Variants in POFUT1 observed in about 807,000 individuals in gnomAD.
The protein encoded by POFUT1 is GDP-fucose protein O-fucosyltransferase 1.
In POFUT1, 16 loss-of-function variants were observed where a neutral mutation model predicts 42.4. That is an observed-to-expected ratio of 0.38 (90% confidence interval 0.26 to 0.57). The LOEUF (loss-of-function observed/expected upper bound fraction) is 0.57, where lower values mean the gene tolerates loss of function less well. POFUT1 is among the 20% of genes least tolerant of loss of function. The probability of loss-of-function intolerance (pLI) is 0.71; values close to 1 mark genes in which losing one functional copy is unlikely to be tolerated. For synonymous variants in POFUT1, 206 were observed against 205.4 expected, an observed-to-expected ratio of 1.00 and a Z score of -0.03; for missense variants, 470 against 504.6, an observed-to-expected ratio of 0.93 and a Z score of 0.66.
intron 5 of POFUT1, among the ~76,000 whole-genome samples, chr20:32,230,173 G>A (rs2047435020): frequency 1.3e-5 from 2 of 151,680 alleles, no homozygotes; most frequent in Admixed American, 6.6e-5. Flanking sequence ...GGATCACGAG[G>A]TCAGGAGATC....
rs372377845 is a variant in POFUT1, at chr20:32,224,673, G to A, written c.543-3590G>A. 6.6e-4 allele frequency among the ~76,000 whole-genome samples: 101 copies of A among 152,332 alleles called. 1 individual carries two copies. Among genetic ancestry groups the A allele is most frequent in the African/African-American group, 2.3e-3 (94 of 41,566 alleles). On this transcript the variant is annotated intron_variant, in intron 4 of 6. Coordinates refer to ENST00000375749, the MANE Select transcript of POFUT1 (RefSeq NM_015352.2). ...TAAGGAGGTGAGGCTTGGGAATTGC[G>A]ACTGACCTTGGAGGTGTGGAAGGTG...
At chr20:32,232,552 C>A (rs2047448603) in intron 6 of POFUT1, among the ~76,000 whole-genome samples, 2 of 152,236 alleles carry the variant, frequency 1.3e-5, no homozygotes, top group South Asian at 4.1e-4. Flanking sequence ...CATGATTAAA[C>A]TGGTATTATT....
intron 4 of POFUT1, among the ~76,000 whole-genome samples, chr20:32,219,682 A>G (rs928679347): frequency 1.3e-5 from 2 of 151,652 alleles, no homozygotes; most frequent in Non-Finnish European, 2.9e-5. Flanking sequence ...TATTTTTAGT[A>G]GAGACGGGGT....
In POFUT1 at chr20:32,230,983, G is replaced by A. The variant is rs78861748; in HGVS notation, c.900G>A (p.Ser300=). ...GGGCTGTGAAGCTCTGGGTGAGGTC[G>A]CTGGATGCCCAGTCGGTCTACGTTG... The part of the protein sequence containing the change: ...IQRAVKLWVR[S]LDAQSVYVAT... Residue 300 remains serine (S), a synonymous_variant, in exon 6 of 7, where the codon TCG becomes TCA. Coordinates refer to ENST00000375749, the MANE Select transcript of POFUT1 (RefSeq NM_015352.2). 816 of 1,614,174 alleles carry A rather than the reference G, an allele frequency of 5.1e-4. 9 individuals carry two copies. In the African/African-American group the frequency reaches 9.9e-3, roughly 20 times the overall value.
chr20:32,227,247 G>T (rs968646246), intron 4 of POFUT1, among the ~76,000 whole-genome samples: 3 of 152,116 alleles, frequency 2.0e-5, no homozygotes, highest in African/African-American at 7.2e-5. Flanking sequence ...GACCGGGCGC[G>T]GTGGCCCACA....
At chr20:32,222,509 G>C in intron 4 of POFUT1, 1 of 688,534 alleles carries the variant, frequency 1.5e-6, no homozygotes, top group South Asian at 6.5e-5. Context: ...CATCTCATTG[G>C]CTAGTACGAG....
intron 5 of POFUT1, among the ~76,000 whole-genome samples, chr20:32,229,231 CA>C (rs1299848942): frequency 1.3e-5 from 2 of 152,170 alleles, no homozygotes; most frequent in Admixed American, 6.5e-5. Flanking sequence ...GCTAGCATAA[CA>C]CTAATACCAA....
chr20:32,215,433 G>A lies in POFUT1; in HGVS notation c.411G>A (p.Lys137=), dbSNP rs1270609467. ...TGGCAGCCCAGCGAAGCCCAGATAA[G>A]AAGACGTGCCCCATGAAGGTGGGTC... The part of the protein sequence containing the change: ...FEVAAQRSPD[K]KTCPMKEGNP... The change falls in exon 3 of 7, where the codon AAG becomes AAA. Residue 137 remains lysine (K), a synonymous_variant. Transcript: ENST00000375749. 6.2e-7 allele frequency: 1 copy of A among 1,611,866 alleles called. No homozygotes were observed. The highest frequency in any genetic ancestry group is 1.7e-5 in the Admixed American group (1 of 59,996).
In POFUT1 at chr20:32,230,995, G is replaced by A. The variant is rs1173168839; in HGVS notation, c.912G>A (p.Gln304=). 1.9e-6 allele frequency: 3 copies of A among 1,614,216 alleles called. No homozygotes were observed. The highest frequency in any genetic ancestry group is 2.2e-5 in the South Asian group (2 of 91,088). Residue 304 remains glutamine, a synonymous_variant, in exon 6 of 7, where the codon CAG becomes CAA. Transcript: ENST00000375749. ...VKLWVRSLDA[Q]SVYVATDSES... is the part of the protein sequence containing the mutation. ...TCTGGGTGAGGTCGCTGGATGCCCA[G>A]TCGGTCTACGTTGCTACTGATTCCG... is the stretch of plus-strand genomic sequence containing the variant.
chr20:32,228,575 G>A (rs773706451), intron 5 of POFUT1, 120 bp downstream of exon 5: 14 of 823,912 alleles, frequency 1.7e-5, no homozygotes, highest in East Asian at 2.7e-5. Flanking sequence ...GTTCTGGTTC[G>A]TGGGATTGTG....
chr20:32,210,157 A>T lies in POFUT1; in HGVS notation c.211A>T (p.Ile71Phe), dbSNP rs538485488. Residue 71 changes from isoleucine (I) to phenylalanine (F), a missense_variant, in exon 2 of 7, where the codon ATT (isoleucine) becomes TTT (phenylalanine). Physicochemically the swap from Ile to Phe is conservative, Grantham distance 21. Transcript: ENST00000375749. ...LNRTLAVPPWIEYQHHKPPFT... is the reference protein window; with the variant it reads ...LNRTLAVPPWFEYQHHKPPFT... Reference sequence around the variant, plus strand: ...CCGTACCTTGGCTGTCCCTCCTTGGATTGAGTACCAGCATCACAAGCCTCC... The same window carrying T: ...CCGTACCTTGGCTGTCCCTCCTTGGTTTGAGTACCAGCATCACAAGCCTCC... The T allele has an allele frequency of 1.9e-6, 3 of 1,614,030 alleles. No individual in the cohort carries two copies. The highest frequency in any genetic ancestry group is 2.7e-5 in the African/African-American group (2 of 75,008).
At chr20:32,214,434 A>T (rs1052604454) in intron 2 of POFUT1, among the ~76,000 whole-genome samples, 6 of 152,108 alleles carry the variant, frequency 3.9e-5, no homozygotes, top group African/African-American at 1.4e-4. Flanking sequence ...CAGAAGGAGC[A>T]TTTTAAATTC....
intron 4 of POFUT1, chr20:32,223,034 G>A (rs923078705): frequency 4.1e-6 from 4 of 985,392 alleles, no homozygotes; most frequent in Non-Finnish European, 4.8e-6. Flanking sequence ...CACTCAATAT[G>A]GGTTTCATCC....
intron 2 of POFUT1, among the ~76,000 whole-genome samples, chr20:32,213,388 G>A (rs1473757837): frequency 2.7e-5 from 4 of 150,546 alleles, no homozygotes; most frequent in Non-Finnish European, 5.9e-5. Context: ...CCCGGGAGGC[G>A]AAGTTTGCAG....
In POFUT1 at chr20:32,234,470, C is replaced by T. The variant is rs753730977; in HGVS notation, c.979-3C>T. ...CTTATATGCTCTGTGCTTCTTCCTG[C>T]AGGTGAAGGTGGTGAGCCTGAAGCC... is the stretch of plus-strand genomic sequence containing the variant. On this transcript the variant is annotated splice_polypyrimidine_tract_variant and splice_region_variant and intron_variant, in intron 6 of 6. Coordinates refer to ENST00000375749, the MANE Select transcript of POFUT1 (RefSeq NM_015352.2). The T allele has an allele frequency of 9.4e-6, 15 of 1,598,054 alleles. No homozygotes were observed. In the South Asian group the frequency reaches 1.6e-4, roughly 17 times the overall value.
intron 4 of POFUT1, among the ~76,000 whole-genome samples, chr20:32,221,743 T>C (rs1022712740): frequency 6.6e-6 from 1 of 151,470 alleles, no homozygotes; most frequent in Non-Finnish European, 1.5e-5. Flanking sequence ...AGGGCCTTTA[T>C]GGGGGGTAGC....
chr20:32,210,165 C>T lies in POFUT1; in HGVS notation c.219C>T (p.Tyr73=), dbSNP rs1243745045. The change falls in exon 2 of 7, where the codon TAC becomes TAT. Residue 73 remains tyrosine, a synonymous_variant. Transcript: ENST00000375749. The part of the protein sequence containing the change: ...RTLAVPPWIE[Y]QHHKPPFTNL... ...TGGCTGTCCCTCCTTGGATTGAGTACCAGCATCACAAGCCTCCTTTCACCA... is the reference window on the plus strand; with the variant it reads ...TGGCTGTCCCTCCTTGGATTGAGTATCAGCATCACAAGCCTCCTTTCACCA... 1 of 1,613,990 alleles carries T rather than the reference C, an allele frequency of 6.2e-7. No individual in the cohort carries two copies. The highest frequency in any genetic ancestry group is 1.7e-5 in the Admixed American group (1 of 60,010).
At chr20:32,210,674 G>A (rs1311867647) in intron 2 of POFUT1, among the ~76,000 whole-genome samples, 1 of 152,184 alleles carries the variant, frequency 6.6e-6, no homozygotes, top group Non-Finnish European at 1.5e-5. Flanking sequence ...CACAACCCAG[G>A]TAGTCTGGCT....
rs756261411 is a variant in POFUT1, at chr20:32,207,903, C to G, written c.-39C>G. On this transcript the variant is annotated 5_prime_UTR_variant, in exon 1 of 7. Coordinates refer to ENST00000375749, the MANE Select transcript of POFUT1 (RefSeq NM_015352.2). ...GCGCTCGCGTCCCTCCTTCCCTCCC[C>G]GACTGTGCGCCGCGGCTGGCTCGGG... 53 of 1,553,366 alleles carry G rather than the reference C, an allele frequency of 3.4e-5. No individual in the cohort carries two copies. The African/African-American group carries it at 7.1e-4, about 21-fold the overall frequency.
Sources: allele counts gnomAD v4.1 joint callset (sites outside exome capture counted in the v4.1 genomes callset), GRCh38; gene constraint gnomAD v4.1.1; transcripts MANE v1.5; gene names NCBI Gene and HGNC (gene_info 2026-07-23, HGNC 2026-07-21).